BMPR1B: variants seen among roughly 807,000 people sequenced by gnomAD.
BMPR1B encodes bone morphogenetic protein receptor type 1B.
A neutral mutation model predicts 59.1 loss-of-function variants in BMPR1B; 12 were observed. That is an observed-to-expected ratio of 0.20 (90% confidence interval 0.13 to 0.33). The LOEUF (loss-of-function observed/expected upper bound fraction) is 0.33. Ranked by LOEUF, BMPR1B falls within the 10% of genes least tolerant of loss-of-function variation. BMPR1B has a pLI of 1.00. For missense variants in BMPR1B, 550 were observed against 610.9 expected (o/e 0.90, Z 1.05); for synonymous variants, 237 against 207.3 (o/e 1.14, Z -1.23).
intron 10 of BMPR1B, among the ~76,000 whole-genome samples, chr4:95,135,297 A>G (rs1196623855): frequency 6.6e-6 from 1 of 152,160 alleles, no homozygotes; most frequent in African/African-American, 2.4e-5. Context: ...AGGTAGTGTG[A>G]TGCCTCCAGC....
At chr4:94,967,704 G>A (rs1229506430) in intron 2 of BMPR1B, among the ~76,000 whole-genome samples, 4 of 151,934 alleles carry the variant, frequency 2.6e-5, no homozygotes, top group Non-Finnish European at 5.9e-5. Flanking sequence ...GGCTGGTCTC[G>A]AACTCCTGAC....
intron 8 of BMPR1B, among the ~76,000 whole-genome samples, chr4:95,127,019 C>T (rs1232897896): frequency 7.6e-6 from 1 of 132,086 alleles, no homozygotes; most frequent in Admixed American, 8.1e-5. Context: ...GAAATAATAT[C>T]GTAGGGCTGT....
intron 1 of BMPR1B, among the ~76,000 whole-genome samples, chr4:94,791,589 T>A (rs1030868766): frequency 2.6e-5 from 4 of 152,164 alleles, no homozygotes; most frequent in African/African-American, 9.6e-5. Context: ...TTTTTAAAAT[T>A]TACTTAAAAT....
chr4:94,958,838 G>C (rs1359045259), intron 2 of BMPR1B, among the ~76,000 whole-genome samples: 3 of 152,220 alleles, frequency 2.0e-5, no homozygotes, highest in East Asian at 3.9e-4. Flanking sequence ...ACTCAGGCTG[G>C]AGTGGTCAGG....
chr4:94,828,745 C>T (rs1210983376), intron 1 of BMPR1B, among the ~76,000 whole-genome samples: 2 of 152,048 alleles, frequency 1.3e-5, no homozygotes, highest in Admixed American at 1.3e-4. Context: ...ATCTGGACCC[C>T]ACCCCAAACC....
intron 1 of BMPR1B, among the ~76,000 whole-genome samples, chr4:94,809,403 A>G (rs954989545): frequency 3.3e-5 from 5 of 152,226 alleles, no homozygotes; most frequent in Non-Finnish European, 7.3e-5. Context: ...AATAAGATGA[A>G]CACAAGGTCA....
intron 1 of BMPR1B, among the ~76,000 whole-genome samples, chr4:94,793,151 A>G (rs1010435136): frequency 5.3e-5 from 8 of 152,004 alleles, no homozygotes; most frequent in African/African-American, 9.7e-5. Context: ...ATATCTCCCA[A>G]TGCTATCCCT....
chr4:95,106,873 G>A (rs746040795), intron 4 of BMPR1B, among the ~76,000 whole-genome samples: 7 of 151,782 alleles, frequency 4.6e-5, no homozygotes, highest in Admixed American at 6.6e-5. Flanking sequence ...CTGGGATTAG[G>A]TGGGCTTCAC....
At chr4:95,020,700 T>C (rs1308189582) in intron 3 of BMPR1B, among the ~76,000 whole-genome samples, 1 of 152,186 alleles carries the variant, frequency 6.6e-6, no homozygotes, top group Admixed American at 6.5e-5. Context: ...ATTTTTATTT[T>C]GTTATTAGTT....
intron 2 of BMPR1B, among the ~76,000 whole-genome samples, chr4:94,973,693 T>C (rs1329506483): frequency 2.6e-5 from 4 of 152,168 alleles, no homozygotes; most frequent in Non-Finnish European, 4.4e-5. Context: ...TCAGGCTTTG[T>C]GACTGAGGGT....
chr4:94,921,688 C>G (rs528520867), intron 2 of BMPR1B, among the ~76,000 whole-genome samples: 115 of 152,206 alleles, frequency 7.6e-4, no homozygotes, highest in African/African-American at 2.8e-3. Flanking sequence ...GGCCCCATCT[C>G]CAATATTAGG....
At chr4:94,764,924 A>G (rs1721913122) in intron 1 of BMPR1B, among the ~76,000 whole-genome samples, 1 of 152,170 alleles carries the variant, frequency 6.6e-6, no homozygotes, top group African/African-American at 2.4e-5. Context: ...GAAATAAACA[A>G]CTATACATAA....
intron 2 of BMPR1B, among the ~76,000 whole-genome samples, chr4:94,895,948 A>T (rs1383128011): frequency 6.6e-6 from 1 of 151,982 alleles, no homozygotes; most frequent in African/African-American, 2.4e-5. Flanking sequence ...TCTTCTGGCG[A>T]CACAAATATA....
At chr4:95,111,744 C>T (rs1451304280) in intron 4 of BMPR1B, among the ~76,000 whole-genome samples, 1 of 152,042 alleles carries the variant, frequency 6.6e-6, no homozygotes, top group Non-Finnish European at 1.5e-5. Context: ...GATGATTTTT[C>T]TAGATGTTCC....
intron 1 of BMPR1B, among the ~76,000 whole-genome samples, chr4:94,859,898 TA>T (rs35600624): frequency 0.12 from 17,886 of 152,042 alleles, 1,413 homozygotes; most frequent in Non-Finnish European, 0.18. Flanking sequence ...TTTATCCAGT[TA>T]AAAAAAATCT....
At chr4:94,881,547 C>T (rs1042304657) in intron 2 of BMPR1B, among the ~76,000 whole-genome samples, 4 of 151,930 alleles carry the variant, frequency 2.6e-5, no homozygotes, top group Admixed American at 2.0e-4. Flanking sequence ...CTCACTGCAA[C>T]CTCCACCTCC....
intron 3 of BMPR1B, among the ~76,000 whole-genome samples, chr4:95,047,734 A>AT (rs533327575): frequency 1.4e-3 from 208 of 152,138 alleles, no homozygotes; most frequent in African/African-American, 4.9e-3. Context: ...TGAAAGGGAG[A>AT]TTTTTCCCAT....
intron 2 of BMPR1B, among the ~76,000 whole-genome samples, chr4:94,927,223 A>G (rs1001899388): frequency 7.2e-5 from 11 of 152,144 alleles, no homozygotes; most frequent in Admixed American, 6.6e-5. Context: ...AACATTTTCA[A>G]TTAAATTCAG....
intron 3 of BMPR1B, among the ~76,000 whole-genome samples, chr4:95,036,354 C>T (rs2149164835): frequency 6.6e-6 from 1 of 152,226 alleles, no homozygotes; most frequent in African/African-American, 2.4e-5. Flanking sequence ...CTTCACTCTT[C>T]CTACCCCCAA....
Sources: gnomAD v4.1 joint callset for allele counts (sites outside exome capture counted in the v4.1 genomes callset) on GRCh38, gnomAD v4.1.1 for gene constraint, MANE v1.5 for transcripts, NCBI Gene and HGNC (gene_info 2026-07-23, HGNC 2026-07-21) for gene names.